ASTN1: variants seen among roughly 807,000 people sequenced by gnomAD.
ASTN1 encodes astrotactin-1.
Under a neutral mutation model 140.7 loss-of-function variants are expected in ASTN1, and 41 were observed. The observed-to-expected ratio is 0.29, with a 90% CI of 0.23 to 0.38. The LOEUF (loss-of-function observed/expected upper bound fraction) is 0.38, where lower values mean the gene tolerates loss of function less well. Among genes scored for constraint, ASTN1 ranks in the 10% least tolerant of loss-of-function variants. ASTN1 has a pLI of 1.00. For missense variants in ASTN1, 1,479 were observed against 1,678.8 expected (o/e 0.88, Z 2.08); for synonymous variants, 640 against 652.2 (o/e 0.98, Z 0.29).
At chr1:176,866,684 T>A (rs1364543354) in intron 22 of ASTN1, among the ~76,000 whole-genome samples, 1 of 152,166 alleles carries the variant, frequency 6.6e-6, no homozygotes, top group Non-Finnish European at 1.5e-5. Flanking sequence ...GATTGCCAAA[T>A]TAATTTTGGA....
In ASTN1 at chr1:176,911,929, G is replaced by A. The variant is rs113360673; in HGVS notation, c.2672-17099C>T. Among the ~76,000 whole-genome samples, 160 of 152,298 alleles carry A rather than the reference G, an allele frequency of 1.1e-3. 1 individual carries two copies. The highest frequency in any genetic ancestry group is 3.2e-3 in the African/African-American group (134 of 41,558). ...ACATTACCACAGACATGAGAGTGACGCATGATGCTGTAACATTACAATGGC... is the reference window on the plus strand; with the variant it reads ...ACATTACCACAGACATGAGAGTGACACATGATGCTGTAACATTACAATGGC... On this transcript the variant is annotated intron_variant, in intron 16 of 22. Transcript: ENST00000361833.
At chr1:176,882,648 C>G (rs1291196184) in intron 20 of ASTN1, among the ~76,000 whole-genome samples, 1 of 152,052 alleles carries the variant, frequency 6.6e-6, no homozygotes, top group Non-Finnish European at 1.5e-5. Context: ...GCAAACTCCT[C>G]AAGGGACAGG....
At chr1:177,009,911 G>T (rs983960631) in intron 8 of ASTN1, among the ~76,000 whole-genome samples, 25 of 152,092 alleles carry the variant, frequency 1.6e-4, no homozygotes, top group African/African-American at 5.8e-4. Context: ...CCTTGGTGTT[G>T]CCCTCTGTAT....
intron 9 of ASTN1, among the ~76,000 whole-genome samples, chr1:176,963,894 G>T (rs1274670244): frequency 2.0e-5 from 3 of 152,180 alleles, no homozygotes; most frequent in Admixed American, 2.0e-4. Context: ...GACATCTCTT[G>T]CAGCACAAAT....
In ASTN1 at chr1:176,944,054, A is replaced by C. The variant is rs750362183; in HGVS notation, c.2250-36T>G. Reference sequence around the variant, plus strand: ...GGTAGACCTTCATTTCTGAGTGTTCAGGTGAACCTGACTCCTTACTGAGCA... The same window carrying C: ...GGTAGACCTTCATTTCTGAGTGTTCCGGTGAACCTGACTCCTTACTGAGCA... On this transcript the variant is annotated intron_variant, in intron 13 of 22. Coordinates refer to ENST00000361833, the MANE Select transcript of ASTN1 (RefSeq NM_004319.3). The C allele has an allele frequency of 1.9e-6, 3 of 1,604,158 alleles. No individual in the cohort carries two copies. The East Asian group carries it at 6.7e-5, about 36-fold the overall frequency.
At chr1:176,935,312 T>C (rs1375484829) in intron 15 of ASTN1, among the ~76,000 whole-genome samples, 1 of 152,218 alleles carries the variant, frequency 6.6e-6, no homozygotes, top group Admixed American at 6.5e-5. Context: ...ACTCCTGATA[T>C]GCACAGCATC....
chr1:177,019,885 C>CTATT (rs1417581515), intron 7 of ASTN1, among the ~76,000 whole-genome samples: 3 of 151,902 alleles, frequency 2.0e-5, no homozygotes, highest in South Asian at 2.1e-4. Context: ...TCTTTTTATT[C>CTATT]TATTTATTTA....
At chr1:176,865,473 GA>G (rs1271052232) in intron 22 of ASTN1, among the ~76,000 whole-genome samples, 1 of 152,168 alleles carries the variant, frequency 6.6e-6, no homozygotes, top group Non-Finnish European at 1.5e-5. Flanking sequence ...CTGAATACAG[GA>G]AGAGTAAAAG....
intron 17 of ASTN1, among the ~76,000 whole-genome samples, chr1:176,892,579 T>C (rs896229731): frequency 6.6e-6 from 1 of 152,256 alleles, no homozygotes; most frequent in Non-Finnish European, 1.5e-5. Flanking sequence ...TTGAGATACC[T>C]GGTTCATTAT....
intron 2 of ASTN1, among the ~76,000 whole-genome samples, chr1:177,055,059 A>C (rs777052956): frequency 3.3e-5 from 5 of 152,228 alleles, no homozygotes; most frequent in Non-Finnish European, 7.3e-5. Context: ...AGAAGGCCTC[A>C]GTGGATCTTC....
chr1:177,123,877 G>A (rs1236252103), intron 1 of ASTN1, among the ~76,000 whole-genome samples: 4 of 152,182 alleles, frequency 2.6e-5, no homozygotes, highest in South Asian at 2.1e-4. Context: ...TTCAGTGGCC[G>A]ATTAGCAAAG....
At position 176,952,576 on chromosome 1, in the gene ASTN1, G is replaced by A. The variant is rs553569612; in HGVS notation, c.1888-3225C>T. The stretch of plus-strand genomic sequence containing the variant: ...ACACATTCTTTAAGGAGTTTCCTAA[G>A]GTATAAATTTGTTTTGTTTTTTGCC... On this transcript the variant is annotated intron_variant, in intron 11 of 22. Transcript: ENST00000361833. 5.9e-5 allele frequency among the ~76,000 whole-genome samples: 9 copies of A among 152,144 alleles called. No homozygotes were observed. In the East Asian group the frequency reaches 1.7e-3, roughly 29 times the overall value.
intron 10 of ASTN1, among the ~76,000 whole-genome samples, chr1:176,958,031 C>T (rs948083556): frequency 2.0e-5 from 3 of 152,174 alleles, no homozygotes; most frequent in Admixed American, 1.3e-4. Flanking sequence ...AAGGCTGTAA[C>T]GCCTGGTCAA....
intron 5 of ASTN1, 125 bp downstream of exon 5, chr1:177,029,509 A>C (rs1676309310): frequency 9.8e-7 from 1 of 1,018,968 alleles, no homozygotes. Flanking sequence ...TGGTCCAAAA[A>C]TTCTTCTTGC....
intron 8 of ASTN1, among the ~76,000 whole-genome samples, chr1:176,994,380 G>C (rs996511022): frequency 6.8e-6 from 1 of 147,244 alleles, no homozygotes; most frequent in Admixed American, 6.7e-5. Context: ...TTTTTTTTTT[G>C]AGCTGTTTCC....
chr1:176,961,211 G>A (rs975859629), intron 9 of ASTN1, among the ~76,000 whole-genome samples: 1 of 152,178 alleles, frequency 6.6e-6, no homozygotes, highest in Non-Finnish European at 1.5e-5. Context: ...TGGAAGCAAA[G>A]GTGAAGATTA....
intron 16 of ASTN1, among the ~76,000 whole-genome samples, chr1:176,900,098 C>T (rs1379371782): frequency 6.6e-6 from 1 of 152,080 alleles, no homozygotes; most frequent in Non-Finnish European, 1.5e-5. Context: ...CACATTTTTA[C>T]AAAAAGTCAA....
chr1:177,002,412 CACACAT>C lies in ASTN1; in HGVS notation c.1523+12373_1523+12378del, dbSNP rs1390043416. Among the ~76,000 whole-genome samples the C allele has an allele frequency of 1.6e-3, 206 of 126,044 alleles. 2 individuals carry two copies. The highest frequency in any genetic ancestry group is 5.7e-3 in the African/African-American group (188 of 33,274). The allele number at this position is 126,044 out of a possible 152,430, so 82.7% of individuals were successfully genotyped here. On this transcript the variant is annotated intron_variant, in intron 8 of 22. Coordinates refer to ENST00000361833, the MANE Select transcript of ASTN1 (RefSeq NM_004319.3). ...ACACACACACACACACACACACACA[CACACAT>C]GAACAAATCAAGAGACAGAACAATA...
intron 1 of ASTN1, among the ~76,000 whole-genome samples, chr1:177,162,612 G>A (rs923757040): frequency 1.3e-5 from 2 of 152,158 alleles, no homozygotes; most frequent in Admixed American, 1.3e-4. Context: ...GAAATGAAAT[G>A]TTGAATACCT....
Sources: allele counts gnomAD v4.1 joint callset (sites outside exome capture counted in the v4.1 genomes callset), GRCh38; gene constraint gnomAD v4.1.1; transcripts MANE v1.5; gene names NCBI Gene and HGNC (gene_info 2026-07-23, HGNC 2026-07-21).